MRPS25: variants seen among roughly 807,000 people sequenced by gnomAD.
MRPS25 encodes the protein small ribosomal subunit protein mS25.
Under a neutral mutation model 17.3 loss-of-function variants are expected in MRPS25, and 15 were observed. That is an observed-to-expected ratio of 0.87 (90% confidence interval 0.58 to 1.34). MRPS25 has a LOEUF of 1.34. Ranked by LOEUF, MRPS25 falls within the 40% of genes most tolerant of loss-of-function variation. MRPS25 has a pLI of 0.00. For missense variants in MRPS25, 225 were observed against 218.6 expected (o/e 1.03, Z -0.19); for synonymous variants, 94 against 83.3 (o/e 1.13, Z -0.70).
At chr3:15,043,799 T>A (rs1233574198), downstream of MRPS25, 2 of 152,248 alleles carry the variant, frequency 1.3e-5, no homozygotes, top group African/African-American at 4.8e-5. Context: ...GAACCTGGGG[T>A]TCTCCTTTGA....
At position 15,049,795 on chromosome 3, in the gene MRPS25, C is replaced by G; in HGVS notation, c.*2646G>C. On this transcript the variant is annotated 3_prime_UTR_variant, in exon 4 of 4. Transcript: ENST00000253686. ...AGGCAGATAGGGCCTCACTCCGTCACCCAGGCTGGAATGCAGTGGTACAGT... is the reference window on the plus strand; with the variant it reads ...AGGCAGATAGGGCCTCACTCCGTCAGCCAGGCTGGAATGCAGTGGTACAGT... The G allele has an allele frequency of 1.2e-6, 1 of 820,166 alleles. No homozygotes were observed. 50.8% of individuals were successfully genotyped at this position (820,166 alleles called of 1,614,324 possible). A position where few individuals can be genotyped will look rare whatever the true frequency, so the allele number is the denominator to read the frequency against.
Position 15,052,200 on chromosome 3 carries a change from C to A in MRPS25, c.*241G>T. On this transcript the variant is annotated 3_prime_UTR_variant, in exon 4 of 4. Transcript: ENST00000253686. The stretch of plus-strand genomic sequence containing the variant: ...TTCCTCTTCACTAGGACCAGATACA[C>A]GCCAAGCTGCTATTAGGAAGCGTTT... 1 of 1,249,404 alleles carries A rather than the reference C, an allele frequency of 8.0e-7. No homozygotes were observed. Among genetic ancestry groups the A allele is most frequent in the Non-Finnish European group, 1.0e-6 (1 of 995,482 alleles). 77.4% of individuals were successfully genotyped at this position (1,249,404 alleles called of 1,614,324 possible).
intron 1 of MRPS25, among the ~76,000 whole-genome samples, chr3:15,062,034 G>A (rs1348477080): frequency 1.3e-5 from 2 of 149,426 alleles, no homozygotes; most frequent in East Asian, 2.0e-4. Flanking sequence ...CGCCCCGTCC[G>A]GGAGGGAGTT....
chr3:15,046,229 G>A (rs1264647223), downstream of MRPS25: 1 of 152,132 alleles, frequency 6.6e-6, no homozygotes, highest in African/African-American at 2.4e-5. Flanking sequence ...TTAATTTCAG[G>A]TGTAGTCACT....
Position 15,052,132 on chromosome 3 carries a change from G to A in MRPS25, c.*309C>T, listed in dbSNP as rs2042614009. On this transcript the variant is annotated 3_prime_UTR_variant, in exon 4 of 4. Transcript: ENST00000253686. The stretch of plus-strand genomic sequence containing the variant: ...ACCAAAACAGGTGTCAACAGGCTGT[G>A]GCCTTAACCTCTCAGGCCCAAAGCC... 4 of 1,092,434 alleles carry A rather than the reference G, an allele frequency of 3.7e-6. No individual in the cohort carries two copies. The highest frequency in any genetic ancestry group is 4.5e-6 in the Non-Finnish European group (4 of 898,432). 67.7% of individuals were successfully genotyped at this position (1,092,434 alleles called of 1,614,324 possible).
At position 15,056,021 on chromosome 3, in the gene MRPS25, G is replaced by A. The variant is rs536897478; in HGVS notation, c.242-2554C>T. 5.3e-5 allele frequency among the ~76,000 whole-genome samples: 8 copies of A among 151,948 alleles called. No homozygotes were observed. In the South Asian group the frequency reaches 1.7e-3, roughly 32 times the overall value. On this transcript the variant is annotated intron_variant, in intron 2 of 3. Coordinates refer to ENST00000253686, the MANE Select transcript of MRPS25 (RefSeq NM_022497.5). ...GAGGTCAGGAGATCGAGACCATCCTGGCTAACACCGTGAAACCCCGTCTCT... is the reference window on the plus strand; with the variant it reads ...GAGGTCAGGAGATCGAGACCATCCTAGCTAACACCGTGAAACCCCGTCTCT...
chr3:15,059,310 C>A, intron 2 of MRPS25, 59 bp downstream of exon 2: 1 of 1,159,188 alleles, frequency 8.6e-7, no homozygotes, highest in Non-Finnish European at 1.3e-6. Flanking sequence ...ATAGGAAGGA[C>A]GCAGTCTCTC....
chr3:15,043,943 A>T (rs996263071), downstream of MRPS25: 5 of 152,230 alleles, frequency 3.3e-5, no homozygotes, highest in African/African-American at 1.2e-4. Context: ...GTGACCAAAA[A>T]GTGCAAGGTG....
In MRPS25 at chr3:15,065,102, T is replaced by G; in HGVS notation, c.93A>C (p.Thr31=). The G allele has an allele frequency of 6.2e-7, 1 of 1,608,510 alleles. No homozygotes were observed. The highest frequency in any genetic ancestry group is 8.5e-7 in the Non-Finnish European group (1 of 1,177,822). ...VVFKDSVKVM[T]VNYNTHGELG... is the part of the protein sequence containing the mutation. Reference sequence around the variant, plus strand: ...GCTCCCCATGCGTGTTGTAATTCACTGTCATGACCTTCACGGAGTCCTTGA... The same window carrying G: ...GCTCCCCATGCGTGTTGTAATTCACGGTCATGACCTTCACGGAGTCCTTGA... Residue 31 remains threonine (T), a synonymous_variant, in exon 1 of 4, where the codon ACA becomes ACC. Coordinates refer to ENST00000253686, the MANE Select transcript of MRPS25 (RefSeq NM_022497.5).
chr3:15,048,353 G>T (rs2042529485), downstream of MRPS25: 1 of 152,592 alleles, frequency 6.6e-6, no homozygotes. Context: ...GTCTCTAAAT[G>T]AATTAAAAGT....
intron 1 of MRPS25, among the ~76,000 whole-genome samples, chr3:15,060,530 AAAAAG>A (rs1196144258): frequency 5.3e-5 from 8 of 151,400 alleles, no homozygotes; most frequent in Admixed American, 4.6e-4. Flanking sequence ...AAAAAAAAAA[AAAAAG>A]AAAAGTGGCT....
Position 15,065,105 on chromosome 3 carries a change from C to A in MRPS25, c.90G>T (p.Met30Ile). Reference sequence around the variant, plus strand: ...CCCCATGCGTGTTGTAATTCACTGTCATGACCTTCACGGAGTCCTTGAACA... The same window carrying A: ...CCCCATGCGTGTTGTAATTCACTGTAATGACCTTCACGGAGTCCTTGAACA... Reference protein sequence around the residue: ...NVVFKDSVKVMTVNYNTHGEL... With the variant: ...NVVFKDSVKVITVNYNTHGEL... Residue 30 changes from methionine to isoleucine, a missense_variant, in exon 1 of 4, where the codon ATG becomes ATT. Met to Ile is a conservative substitution (Grantham distance 10, BLOSUM62 1). Coordinates refer to ENST00000253686, the MANE Select transcript of MRPS25 (RefSeq NM_022497.5). 2 of 1,608,828 alleles carry A rather than the reference C, an allele frequency of 1.2e-6. No individual in the cohort carries two copies. The highest frequency in any genetic ancestry group is 1.7e-6 in the Non-Finnish European group (2 of 1,177,942).
chr3:15,053,394 G>C lies in MRPS25; in HGVS notation c.315C>G (p.Ile105Met). The C allele has an allele frequency of 1.2e-6, 2 of 1,614,080 alleles. No homozygotes were observed. The highest frequency in any genetic ancestry group is 1.7e-6 in the Non-Finnish European group (2 of 1,180,016). ...AAACAACTCACTCATTCTTCCCCAA[G>C]ATTTTTCTGATGTGCTCCATGATCT... Reference protein sequence around the residue: ...NKEIMEHIRKILGKNEETLRE... With the variant: ...NKEIMEHIRKMLGKNEETLRE... Residue 105 changes from isoleucine (I) to methionine (M), a missense_variant, in exon 3 of 4, where the codon ATC becomes ATG. Transcript: ENST00000253686.
chr3:15,051,615 A>G lies in MRPS25; in HGVS notation c.*826T>C. ...GGAAAGAACAAGGAAGGTGCTCAGT[A>G]ATGCAGCACTCCCTCCTCCAGAGCT... On this transcript the variant is annotated 3_prime_UTR_variant, in exon 4 of 4. Coordinates refer to ENST00000253686, the MANE Select transcript of MRPS25 (RefSeq NM_022497.5). 1 of 985,552 alleles carries G rather than the reference A, an allele frequency of 1.0e-6. No individual in the cohort carries two copies. Among genetic ancestry groups the G allele is most frequent in the Non-Finnish European group, 1.2e-6 (1 of 829,996 alleles). The allele number at this position is 985,552 out of a possible 1,614,324, so 61.1% of individuals were successfully genotyped here.
chr3:15,044,118 G>A (rs2042368515), downstream of MRPS25: 1 of 152,264 alleles, frequency 6.6e-6, no homozygotes, highest in Non-Finnish European at 1.5e-5. Flanking sequence ...CATCATAACT[G>A]TGAGGCTGGA....
In MRPS25 at chr3:15,051,489, A is replaced by C; in HGVS notation, c.*952T>G. 2.0e-6 allele frequency: 2 copies of C among 985,204 alleles called. No homozygotes were observed. Among genetic ancestry groups the C allele is most frequent in the Middle Eastern group, 5.2e-4 (1 of 1,914 alleles). 61.0% of individuals were successfully genotyped at this position (985,204 alleles called of 1,614,324 possible). A position where few individuals can be genotyped will look rare whatever the true frequency, so the allele number is the denominator to read the frequency against. Reference sequence around the variant, plus strand: ...TGAGCCACCACACCCAGCCTAGCTAAACCTATTCTTAAGGTGACCCTAGAA... The same window carrying C: ...TGAGCCACCACACCCAGCCTAGCTACACCTATTCTTAAGGTGACCCTAGAA... On this transcript the variant is annotated 3_prime_UTR_variant, in exon 4 of 4. Coordinates refer to ENST00000253686, the MANE Select transcript of MRPS25 (RefSeq NM_022497.5).
chr3:15,061,410 G>C (rs1483985309), intron 1 of MRPS25, among the ~76,000 whole-genome samples: 1 of 152,208 alleles, frequency 6.6e-6, no homozygotes, highest in Non-Finnish European at 1.5e-5. Flanking sequence ...TGGAGACGGG[G>C]TTTCGCTGTG....
At chr3:15,044,689 A>C (rs567845570), downstream of MRPS25, 1 of 152,366 alleles carries the variant, frequency 6.6e-6, no homozygotes, top group Non-Finnish European at 1.5e-5. Context: ...CACTCCCCTG[A>C]CTCACAGGTG....
chr3:15,049,476 C>A lies in MRPS25; in HGVS notation c.*2965G>T. On this transcript the variant is annotated 3_prime_UTR_variant, in exon 4 of 4. Coordinates refer to ENST00000253686, the MANE Select transcript of MRPS25 (RefSeq NM_022497.5). ...CTTATTAATACCTTTAGTGGGAAAC[C>A]CTGGCAGGACAGTCTTTACATCCAC... 9.6e-6 allele frequency: 2 copies of A among 208,440 alleles called. No individual in the cohort carries two copies. Among genetic ancestry groups the A allele is most frequent in the South Asian group, 1.6e-4 (2 of 12,322 alleles). The allele number at this position is 208,440 out of a possible 1,614,324, so 12.9% of individuals were successfully genotyped here.
Sources: gnomAD v4.1 joint callset for allele counts (sites outside exome capture counted in the v4.1 genomes callset) on GRCh38, gnomAD v4.1.1 for gene constraint, MANE v1.5 for transcripts, NCBI Gene and HGNC (gene_info 2026-07-23, HGNC 2026-07-21) for gene names.